Variants in EPB41L2 observed in about 807,000 individuals in gnomAD.
EPB41L2 encodes erythrocyte membrane protein band 4.1 like 2.
In EPB41L2, 43 loss-of-function variants were observed where a neutral mutation model predicts 113.0. That is an observed-to-expected ratio of 0.38 (90% CI 0.30 to 0.49). EPB41L2 has a LOEUF of 0.49. Ranked by LOEUF, EPB41L2 falls within the 20% of genes least tolerant of loss-of-function variation. The pLI is 0.95. For synonymous variants in EPB41L2, 442 were observed against 436.7 expected (o/e 1.01, Z -0.15); for missense variants, 1,147 against 1,223.4 (o/e 0.94, Z 0.93).
intron 1 of EPB41L2, among the ~76,000 whole-genome samples, chr6:130,983,990 A>G (rs1413825982): frequency 6.6e-6 from 1 of 152,192 alleles, no homozygotes. Context: ...AACATATTGT[A>G]CAGCTGTACA....
chr6:131,016,803 C>G (rs968775615), intron 1 of EPB41L2, among the ~76,000 whole-genome samples: 7 of 150,648 alleles, frequency 4.6e-5, no homozygotes, highest in African/African-American at 1.7e-4. Context: ...TAGGGAGACT[C>G]TCTGTCTCTA....
chr6:131,047,689 T>A (rs1039637813), intron 1 of EPB41L2, among the ~76,000 whole-genome samples: 2 of 152,320 alleles, frequency 1.3e-5, no homozygotes, highest in Middle Eastern at 3.4e-3. Context: ...CAGAACCATA[T>A]ACAAACAGGT....
intron 1 of EPB41L2, among the ~76,000 whole-genome samples, chr6:131,006,155 C>T (rs1038157016): frequency 6.6e-6 from 1 of 151,850 alleles, no homozygotes; most frequent in Non-Finnish European, 1.5e-5. Context: ...CTCCCAGGTT[C>T]AAGCGATTCT....
rs1167591621 is a variant in EPB41L2, at chr6:130,885,079, G to C, written c.1833+17C>G. On this transcript the variant is annotated intron_variant, in intron 12 of 19. Coordinates refer to ENST00000337057, the MANE Select transcript of EPB41L2 (RefSeq NM_001431.4). ...AAGTAAATGTTTAAAACCACATACT[G>C]TGCTAATTTACCATACCTTTCCTTC... 6.2e-7 allele frequency: 1 copy of C among 1,613,672 alleles called. No homozygotes were observed. Among genetic ancestry groups the C allele is most frequent in the Admixed American group, 1.7e-5 (1 of 60,024 alleles).
intron 1 of EPB41L2, among the ~76,000 whole-genome samples, chr6:130,987,118 CCATTCAT>C (rs1780747368): frequency 6.6e-6 from 1 of 152,112 alleles, no homozygotes; most frequent in African/African-American, 2.4e-5. Context: ...GGGTGTTTAT[CCATTCAT>C]CAATTGATGG....
intron 1 of EPB41L2, among the ~76,000 whole-genome samples, chr6:131,027,142 T>C (rs2128746592): frequency 6.6e-6 from 1 of 152,352 alleles, no homozygotes; most frequent in East Asian, 1.9e-4. Flanking sequence ...TTTTTCCTAA[T>C]AAATGGAAAT....
In EPB41L2 at chr6:130,869,719, A is replaced by G. The variant is rs964481276; in HGVS notation, c.2451T>C (p.Asn817=). 6 of 1,613,640 alleles carry G rather than the reference A, an allele frequency of 3.7e-6. No homozygotes were observed. Among genetic ancestry groups the G allele is most frequent in the Non-Finnish European group, 5.1e-6 (6 of 1,179,958 alleles). The change falls in exon 15 of 20, where the codon AAT becomes AAC. Residue 817 remains asparagine (N), a synonymous_variant. Coordinates refer to ENST00000337057, the MANE Select transcript of EPB41L2 (RefSeq NM_001431.4). ...VITVETVIQE[N]VGAQKIPGEK... ...CTCCGGGTATCTTTTGGGCACCTAC[A>G]TTTTCCTGGATCACTGTTTCTACTG...
At chr6:130,876,497 C>G (rs1787594382) in intron 14 of EPB41L2, among the ~76,000 whole-genome samples, 1 of 152,174 alleles carries the variant, frequency 6.6e-6, no homozygotes, top group East Asian at 1.9e-4. Flanking sequence ...TATGGTATTT[C>G]TCATCCAACA....
At chr6:130,995,841 AT>A (rs1344500440) in intron 1 of EPB41L2, among the ~76,000 whole-genome samples, 1 of 152,172 alleles carries the variant, frequency 6.6e-6, no homozygotes, top group Non-Finnish European at 1.5e-5. Context: ...GTTCAGCCAT[AT>A]TTTGGAACGC....
intron 3 of EPB41L2, among the ~76,000 whole-genome samples, chr6:130,944,898 C>T (rs892695534): frequency 1.3e-5 from 2 of 152,168 alleles, no homozygotes; most frequent in Non-Finnish European, 2.9e-5. Context: ...TTGTGTTCTT[C>T]AAGCTGGACC....
intron 3 of EPB41L2, among the ~76,000 whole-genome samples, chr6:130,950,487 G>A (rs767827683): frequency 2.6e-5 from 4 of 151,464 alleles, no homozygotes; most frequent in East Asian, 1.9e-4. Context: ...TAACTAACTC[G>A]GGAAAAAAAA....
chr6:130,983,999 CAA>C (rs1779961396), intron 1 of EPB41L2, among the ~76,000 whole-genome samples: 1 of 152,088 alleles, frequency 6.6e-6, no homozygotes, highest in Admixed American at 6.5e-5. Flanking sequence ...TACAGCTGTA[CAA>C]AAATATTCTT....
At chr6:130,874,795 G>A (rs1375930442) in intron 14 of EPB41L2, among the ~76,000 whole-genome samples, 2 of 152,038 alleles carry the variant, frequency 1.3e-5, no homozygotes, top group African/African-American at 4.8e-5. Context: ...ATTTTACACT[G>A]TACATTCCTA....
chr6:130,890,234 C>A (rs1792341532), intron 11 of EPB41L2, 60 bp downstream of exon 11: 2 of 1,509,700 alleles, frequency 1.3e-6, no homozygotes, highest in South Asian at 1.4e-5. Context: ...TTAACATTTT[C>A]TGACCTCATG....
At chr6:131,034,075 A>T (rs1792799386) in intron 1 of EPB41L2, among the ~76,000 whole-genome samples, 1 of 152,232 alleles carries the variant, frequency 6.6e-6, no homozygotes, top group South Asian at 2.1e-4. Context: ...TATGACTGTT[A>T]AAACATCTAA....
intron 17 of EPB41L2, among the ~76,000 whole-genome samples, 161 bp downstream of exon 17, chr6:130,865,375 A>G (rs900985006): frequency 6.6e-6 from 1 of 152,222 alleles, no homozygotes; most frequent in African/African-American, 2.4e-5. Flanking sequence ...GCATTTGTCA[A>G]TGGAGCCTAA....
chr6:131,055,907 T>A (rs1797491803), intron 1 of EPB41L2, among the ~76,000 whole-genome samples: 1 of 152,152 alleles, frequency 6.6e-6, no homozygotes, highest in South Asian at 2.1e-4. Flanking sequence ...CAGGATTACT[T>A]ACAATGGAAC....
intron 18 of EPB41L2, among the ~76,000 whole-genome samples, chr6:130,858,998 G>A (rs1781155394): frequency 6.6e-6 from 1 of 152,210 alleles, no homozygotes; most frequent in South Asian, 2.1e-4. Flanking sequence ...GATAGGAGCA[G>A]GGAGGACCCA....
intron 14 of EPB41L2, among the ~76,000 whole-genome samples, chr6:130,873,263 G>A (rs566554331): frequency 1.3e-5 from 2 of 152,254 alleles, no homozygotes; most frequent in South Asian, 4.1e-4. Context: ...AATGAGCAAC[G>A]TGAAAATTAT....
Sources: allele counts gnomAD v4.1 joint callset (sites outside exome capture counted in the v4.1 genomes callset), GRCh38; gene constraint gnomAD v4.1.1; transcripts MANE v1.5; gene names NCBI Gene and HGNC (gene_info 2026-07-23, HGNC 2026-07-21).